PRUNE2: variants seen among roughly 807,000 people sequenced by gnomAD.
The protein encoded by PRUNE2 is prune homolog 2 with BCH domain.
Under a neutral mutation model 252.0 loss-of-function variants are expected in PRUNE2, and 164 were observed. The observed-to-expected ratio is 0.65, with a 90% CI of 0.57 to 0.74. The LOEUF is 0.74. Among genes scored for constraint, PRUNE2 ranks in the 30% least tolerant of loss-of-function variants. PRUNE2 has a pLI of 0.00. For synonymous variants in PRUNE2, 1,292 were observed against 1,350.2 expected (o/e 0.96, Z 0.94); for missense variants, 3,495 against 3,711.0 (o/e 0.94, Z 1.51).
At chr9:76,653,906 C>G (rs1450926064) in intron 10 of PRUNE2, among the ~76,000 whole-genome samples, 1 of 152,114 alleles carries the variant, frequency 6.6e-6, no homozygotes, top group East Asian at 1.9e-4. Flanking sequence ...AGAAGCAGAG[C>G]TGGAGAAGTC....
intron 1 of PRUNE2, among the ~76,000 whole-genome samples, chr9:76,882,357 ATAT>A (rs1174646996): frequency 3.9e-5 from 6 of 152,220 alleles, no homozygotes; most frequent in Non-Finnish European, 8.8e-5. Context: ...ATGGTAGGAA[ATAT>A]TATTCATTTT....
At chr9:76,650,215 TATATA>T (rs956844309) in intron 11 of PRUNE2, among the ~76,000 whole-genome samples, 11 of 150,948 alleles carry the variant, frequency 7.3e-5, no homozygotes, top group African/African-American at 1.5e-4. Flanking sequence ...TATAATGAAT[TATATA>T]ATATAATGAG....
chr9:76,719,142 C>A (rs191013274), intron 6 of PRUNE2, among the ~76,000 whole-genome samples: 223 of 152,212 alleles, frequency 1.5e-3, no homozygotes, highest in African/African-American at 4.8e-3. Flanking sequence ...CACCCCTTCC[C>A]CAAGAGGCAG....
At chr9:76,865,669 TG>T (rs373719324) in intron 1 of PRUNE2, among the ~76,000 whole-genome samples, 324 of 152,324 alleles carry the variant, frequency 2.1e-3, no homozygotes, top group African/African-American at 7.3e-3. Flanking sequence ...CATGTTCTTA[TG>T]AAATAACAGT....
intron 9 of PRUNE2, among the ~76,000 whole-genome samples, chr9:76,676,410 C>A (rs886079034): frequency 6.6e-6 from 1 of 151,432 alleles, no homozygotes; most frequent in Non-Finnish European, 1.5e-5. Context: ...GTATTTAAGA[C>A]GTATCTAATG....
chr9:76,683,036 T>C (rs1403949845), intron 9 of PRUNE2, among the ~76,000 whole-genome samples: 1 of 152,248 alleles, frequency 6.6e-6, no homozygotes, highest in African/African-American at 2.4e-5. Context: ...CCAGACTCTT[T>C]CTTCTTTTGA....
rs1232364676 is a variant in PRUNE2 at position 76,710,315 on chromosome 9, G to A, written c.1959C>T (p.Cys653=). 2 of 1,613,960 alleles carry A rather than the reference G, an allele frequency of 1.2e-6. No homozygotes were observed. Among genetic ancestry groups the A allele is most frequent in the African/African-American group, 2.7e-5 (2 of 75,036 alleles). The part of the protein sequence containing the change: ...HMGPPQTHAR[C]SSWWGGLEID... ...TTTCCAAACCACCCCACCAGCTGCT[G>A]CACCGTGCATGGGTCTGAGGTGGCC... Residue 653 remains cysteine, a synonymous_variant, in exon 8 of 19, where the codon TGC becomes TGT. Coordinates refer to ENST00000376718, the MANE Select transcript of PRUNE2 (RefSeq NM_015225.3).
At chr9:76,745,817 T>C (rs2050053903) in intron 6 of PRUNE2, among the ~76,000 whole-genome samples, 1 of 152,220 alleles carries the variant, frequency 6.6e-6, no homozygotes, top group African/African-American at 2.4e-5. Context: ...CACTATTGCT[T>C]CTGTCTGCCC....
chr9:76,725,606 C>A (rs1399279454), intron 6 of PRUNE2, among the ~76,000 whole-genome samples: 1 of 152,278 alleles, frequency 6.6e-6, no homozygotes, highest in South Asian at 2.1e-4. Flanking sequence ...TTTCACCACC[C>A]ATCTATGTGT....
chr9:76,678,427 AAAAG>A, intron 9 of PRUNE2, among the ~76,000 whole-genome samples: 1 of 152,134 alleles, frequency 6.6e-6, no homozygotes, highest in Admixed American at 6.6e-5. Flanking sequence ...GGAAAGGAAA[AAAAG>A]AAAAAATGAA....
At chr9:76,834,699 G>C (rs1352076364) in intron 4 of PRUNE2, among the ~76,000 whole-genome samples, 1 of 152,184 alleles carries the variant, frequency 6.6e-6, no homozygotes, top group South Asian at 2.1e-4. Context: ...TTACAAAGGA[G>C]ATGATATACT....
rs544584569 is a variant in PRUNE2, at chr9:76,752,034, G to C, written c.757-38313C>G. ...AAAATGAAAGAAAAATCAAATATCA[G>C]GATTAGATGGGCCTTAAAAGCTATT... is the stretch of plus-strand genomic sequence containing the variant. On this transcript the variant is annotated intron_variant, in intron 6 of 18. Coordinates refer to ENST00000376718, the MANE Select transcript of PRUNE2 (RefSeq NM_015225.3). Among the ~76,000 whole-genome samples the C allele has an allele frequency of 7.2e-5, 6 of 82,790 alleles. No individual in the cohort carries two copies. In the East Asian group the frequency reaches 3.8e-3, roughly 53 times the overall value. 54.3% of individuals were successfully genotyped at this position (82,790 alleles called of 152,430 possible).
At chr9:76,811,006 G>A (rs761709732) in intron 6 of PRUNE2, among the ~76,000 whole-genome samples, 3 of 152,144 alleles carry the variant, frequency 2.0e-5, no homozygotes, top group Non-Finnish European at 4.4e-5. Context: ...CCAAGGTCAG[G>A]TCCCCAAATC....
Position 76,703,819 on chromosome 9 carries a change from A to G in PRUNE2, c.7794T>C (p.Cys2598=). 1 of 1,613,974 alleles carries G rather than the reference A, an allele frequency of 6.2e-7. No individual in the cohort carries two copies. Among genetic ancestry groups the G allele is most frequent in the Non-Finnish European group, 8.5e-7 (1 of 1,179,878 alleles). ...GTQLASFPDT[C]QPASLNERKG... ...TTCTTTCATTTAAGGAGGCTGGCTG[A>G]CATGTGTCTGGGAAGCTTGCTAACT... is the stretch of plus-strand genomic sequence containing the variant. Residue 2598 remains cysteine, a synonymous_variant, in exon 9 of 19, where the codon TGT becomes TGC. Coordinates refer to ENST00000376718, the MANE Select transcript of PRUNE2 (RefSeq NM_015225.3).
intron 6 of PRUNE2, among the ~76,000 whole-genome samples, chr9:76,781,025 T>C (rs1426552450): frequency 1.3e-5 from 2 of 152,192 alleles, no homozygotes; most frequent in African/African-American, 4.8e-5. Flanking sequence ...AGCCAGTCCA[T>C]CAACACATCC....
At chr9:76,745,248 C>A (rs2049997150) in intron 6 of PRUNE2, among the ~76,000 whole-genome samples, 1 of 152,096 alleles carries the variant, frequency 6.6e-6, no homozygotes, top group Non-Finnish European at 1.5e-5. Context: ...ATAATAACAG[C>A]CCTTCCCTAA....
rs534042512 is a variant in PRUNE2 at position 76,770,542 on chromosome 9, A to G, written c.756+53090T>C. On this transcript the variant is annotated intron_variant, in intron 6 of 18. Coordinates refer to ENST00000376718, the MANE Select transcript of PRUNE2 (RefSeq NM_015225.3). ...GACATTCATCTAAAATGGATTATGA[A>G]ATATCTGGTGAAATATTATGGTAAA... 2.0e-5 allele frequency among the ~76,000 whole-genome samples: 3 copies of G among 152,336 alleles called. No homozygotes were observed. In the South Asian group the frequency reaches 6.2e-4, roughly 32 times the overall value.
rs138034968 is a variant in PRUNE2 at position 76,755,176 on chromosome 9, G to A, written c.757-41455C>T. On this transcript the variant is annotated intron_variant, in intron 6 of 18. Coordinates refer to ENST00000376718, the MANE Select transcript of PRUNE2 (RefSeq NM_015225.3). ...CTTTCTCAAAACATGAAATCACACTGTATATTTAATTGTTTATGTGTTTGC... is the reference window on the plus strand; with the variant it reads ...CTTTCTCAAAACATGAAATCACACTATATATTTAATTGTTTATGTGTTTGC... Among the ~76,000 whole-genome samples, 1,159 of 152,122 alleles carry A rather than the reference G, an allele frequency of 7.6e-3. 11 individuals are homozygous for A. The highest frequency in any genetic ancestry group is 0.026 in the African/African-American group (1,092 of 41,504).
chr9:76,859,642 G>A (rs1383823824), intron 1 of PRUNE2, among the ~76,000 whole-genome samples: 1 of 152,058 alleles, frequency 6.6e-6, no homozygotes, highest in African/African-American at 2.4e-5. Context: ...AGGTCAGGAG[G>A]TAGTTCTCAA....
Sources: allele counts gnomAD v4.1 joint callset (sites outside exome capture counted in the v4.1 genomes callset), GRCh38; gene constraint gnomAD v4.1.1; transcripts MANE v1.5; gene names NCBI Gene and HGNC (gene_info 2026-07-23, HGNC 2026-07-21).